KHDRBS2: variants seen among roughly 807,000 people sequenced by gnomAD.
KHDRBS2 encodes KH RNA binding domain containing, signal transduction associated 2.
A neutral mutation model predicts 44.3 loss-of-function variants in KHDRBS2; 26 were observed. That is an observed-to-expected ratio of 0.59 (90% CI 0.43 to 0.81). The LOEUF (loss-of-function observed/expected upper bound fraction) is 0.81, where lower values mean the gene tolerates loss of function less well. Among genes scored for constraint, KHDRBS2 ranks in the 40% least tolerant of loss-of-function variants. The probability of loss-of-function intolerance (pLI) is 0.00; values close to 1 mark genes in which losing one functional copy is unlikely to be tolerated. For missense variants in KHDRBS2, 476 were observed against 433.1 expected, an observed-to-expected ratio of 1.10 and a Z score of -0.88; for synonymous variants, 194 against 151.1, an observed-to-expected ratio of 1.28 and a Z score of -2.08.
At chr6:61,804,590 G>T (rs1306847908) in intron 6 of KHDRBS2, among the ~76,000 whole-genome samples, 1 of 152,180 alleles carries the variant, frequency 6.6e-6, no homozygotes, top group Non-Finnish European at 1.5e-5. Context: ...GCAAACTTCT[G>T]CCTGAATATC....
the KHDRBS2 span, among the ~76,000 whole-genome samples, chr6:61,569,365 A>T: frequency 6.6e-6 from 1 of 152,054 alleles, no homozygotes; most frequent in Admixed American, 6.6e-5. Flanking sequence ...CCTGCCCATC[A>T]CCTGAGAAGC....
At chr6:61,955,471 T>C (rs1455551348) in intron 4 of KHDRBS2, among the ~76,000 whole-genome samples, 1 of 73,094 alleles carries the variant, frequency 1.4e-5, no homozygotes, top group African/African-American at 5.9e-5. Context: ...TATGTGTATA[T>C]ATACACATAT....
intron 1 of KHDRBS2, among the ~76,000 whole-genome samples, chr6:62,182,289 T>C (rs934657698): frequency 2.0e-5 from 3 of 151,984 alleles, no homozygotes; most frequent in African/African-American, 7.2e-5. Context: ...AGAAGTATGG[T>C]GATGACGGGG....
At chr6:61,960,018 C>T (rs1479611886) in intron 4 of KHDRBS2, among the ~76,000 whole-genome samples, 2 of 152,078 alleles carry the variant, frequency 1.3e-5, no homozygotes, top group African/African-American at 2.4e-5. Flanking sequence ...CAAGACTAGT[C>T]GATGAAATGT....
chr6:61,596,785 G>A, the KHDRBS2 span, among the ~76,000 whole-genome samples: 1 of 152,154 alleles, frequency 6.6e-6, no homozygotes, highest in South Asian at 2.1e-4. Flanking sequence ...CTGAGTAGCT[G>A]GGACTACAGG....
chr6:62,069,444 A>G (rs1192289314), intron 2 of KHDRBS2, among the ~76,000 whole-genome samples: 1 of 151,698 alleles, frequency 6.6e-6, no homozygotes, highest in Non-Finnish European at 1.5e-5. Context: ...AGTACATATC[A>G]AGTTATTATT....
intron 1 of KHDRBS2, among the ~76,000 whole-genome samples, chr6:62,190,648 T>A (rs1824412017): frequency 6.6e-6 from 1 of 152,102 alleles, no homozygotes; most frequent in African/African-American, 2.4e-5. Flanking sequence ...TTACTCTATA[T>A]TTACATTCTA....
rs537228105 is a variant in KHDRBS2, at chr6:62,166,347, G to A, written c.219+10838C>T. ...CCAATTGGTATTCACAAGTGAGGTT[G>A]TTCTACAGTTTTATTTTTTGTGACA... On this transcript the variant is annotated intron_variant, in intron 2 of 8. Coordinates refer to ENST00000281156, the MANE Select transcript of KHDRBS2 (RefSeq NM_152688.4). Among the ~76,000 whole-genome samples, 136 of 152,064 alleles carry A rather than the reference G, an allele frequency of 8.9e-4. 1 individual carries two copies. Among genetic ancestry groups the A allele is most frequent in the South Asian group, 5.0e-3 (24 of 4,822 alleles).
chr6:62,072,372 A>G (rs1795341563), intron 2 of KHDRBS2, among the ~76,000 whole-genome samples: 2 of 152,144 alleles, frequency 1.3e-5, no homozygotes, highest in Non-Finnish European at 2.9e-5. Context: ...AGAACTTCCA[A>G]CACTACGTTG....
chr6:61,948,929 C>T (rs532715971), intron 4 of KHDRBS2, among the ~76,000 whole-genome samples: 4 of 151,862 alleles, frequency 2.6e-5, no homozygotes, highest in Non-Finnish European at 4.4e-5. Context: ...ACGTGTTATG[C>T]GAGCGGAATA....
chr6:61,720,479 G>A (rs1370001340), intron 7 of KHDRBS2, among the ~76,000 whole-genome samples: 1 of 152,168 alleles, frequency 6.6e-6, no homozygotes, highest in Non-Finnish European at 1.5e-5. Context: ...TCTAACTGGT[G>A]TGAGATGGTA....
intron 3 of KHDRBS2, among the ~76,000 whole-genome samples, chr6:62,035,936 T>C (rs1387632444): frequency 6.6e-6 from 1 of 152,036 alleles, no homozygotes; most frequent in Non-Finnish European, 1.5e-5. Context: ...AATTCTTCAT[T>C]AGATGTGCAG....
the KHDRBS2 span, among the ~76,000 whole-genome samples, chr6:61,594,223 T>C: frequency 1.3e-4 from 19 of 145,982 alleles, no homozygotes; most frequent in African/African-American, 4.3e-4. Context: ...AAAGAAAACA[T>C]TAAAAAATGA....
the KHDRBS2 span, among the ~76,000 whole-genome samples, chr6:61,671,119 A>G: frequency 4.6e-5 from 7 of 151,808 alleles, 1 homozygote; most frequent in East Asian, 1.4e-3. Flanking sequence ...AATATGGTGT[A>G]CCATTGTGAG....
rs139337899 is a variant in KHDRBS2, at chr6:62,183,503, G to T, written c.92-6191C>A. 7.3e-5 allele frequency among the ~76,000 whole-genome samples: 11 copies of T among 151,496 alleles called. No homozygotes were observed. The East Asian group carries it at 1.8e-3, about 24-fold the overall frequency. ...AGAGGGTGAATTACATGGTCTTCCA[G>T]ATATTTATATTCCTAAAATTAAAAA... On this transcript the variant is annotated intron_variant, in intron 1 of 8. Transcript: ENST00000281156.
chr6:61,857,904 T>C (rs192385512), intron 6 of KHDRBS2, among the ~76,000 whole-genome samples: 1 of 152,172 alleles, frequency 6.6e-6, no homozygotes, highest in Non-Finnish European at 1.5e-5. Context: ...AGGACAAATC[T>C]ATTCAACTTG....
At chr6:61,893,656 A>C (rs1334089978) in intron 6 of KHDRBS2, among the ~76,000 whole-genome samples, 1 of 152,122 alleles carries the variant, frequency 6.6e-6, no homozygotes. Flanking sequence ...AAGACAAAAA[A>C]CCAAACACCG....
chr6:62,023,875 AC>A (rs1411577028), intron 3 of KHDRBS2, among the ~76,000 whole-genome samples: 1 of 151,150 alleles, frequency 6.6e-6, no homozygotes, highest in African/African-American at 2.4e-5. Context: ...TGCTAAAAAA[AC>A]AAAGCAAGAG....
At chr6:62,101,533 G>A (rs1801904416) in intron 2 of KHDRBS2, among the ~76,000 whole-genome samples, 1 of 152,116 alleles carries the variant, frequency 6.6e-6, no homozygotes, top group Non-Finnish European at 1.5e-5. Flanking sequence ...CAATAATCTT[G>A]GCAAGAGATG....
Sources: allele counts gnomAD v4.1 joint callset (sites outside exome capture counted in the v4.1 genomes callset), GRCh38; gene constraint gnomAD v4.1.1; transcripts MANE v1.5; gene names NCBI Gene and HGNC (gene_info 2026-07-23, HGNC 2026-07-21).